LGR5: variants seen among roughly 807,000 people sequenced by gnomAD.
LGR5 encodes the protein leucine-rich repeat-containing G protein-coupled receptor 5.
LGR5 carries 54 observed loss-of-function variants against 76.7 expected under a neutral mutation model. The ratio of observed to expected loss-of-function variants is 0.70; its 90% CI spans 0.57 to 0.88. The LOEUF (loss-of-function observed/expected upper bound fraction) is 0.88. LGR5 is among the 40% of genes least tolerant of loss of function. The pLI, the probability that LGR5 is intolerant of heterozygous loss-of-function variation, is 0.00. For missense variants in LGR5, 1,078 were observed against 1,073.3 expected (o/e 1.00, Z -0.06); for synonymous variants, 406 against 421.9 (o/e 0.96, Z 0.46).
chr12:71,482,253 C>T (rs575261260), intron 1 of LGR5, among the ~76,000 whole-genome samples: 3 of 152,288 alleles, frequency 2.0e-5, no homozygotes, highest in Non-Finnish European at 4.4e-5. Context: ...TTTGCTGGGA[C>T]TGCCATAACA....
At chr12:71,497,262 C>G (rs140720807) in intron 1 of LGR5, among the ~76,000 whole-genome samples, 1 of 151,728 alleles carries the variant, frequency 6.6e-6, no homozygotes, top group Non-Finnish European at 1.5e-5. Flanking sequence ...CTGCAGTAAG[C>G]CATGATCATG....
At chr12:71,571,328 T>C (rs2137454595) in intron 11 of LGR5, 186 bp from the exon 12 acceptor site, 1 of 449,726 alleles carries the variant, frequency 2.2e-6, no homozygotes, top group East Asian at 3.4e-5. Context: ...TACATTTCAG[T>C]AAACATTTGA....
At chr12:71,511,664 C>A (rs1487761031) in intron 2 of LGR5, among the ~76,000 whole-genome samples, 1 of 152,110 alleles carries the variant, frequency 6.6e-6, no homozygotes, top group Non-Finnish European at 1.5e-5. Context: ...TTTTGAAAAT[C>A]CCCAACTACT....
Position 71,460,983 on chromosome 12 carries a change from C to A in LGR5, c.212+20691C>A, listed in dbSNP as rs78547830. ...AAGGCTTTCAGAAATCATTGCTCTG[C>A]TGAGAACAGAACCATGACAGATCTT... On this transcript the variant is annotated intron_variant, in intron 1 of 17. Coordinates refer to ENST00000266674, the MANE Select transcript of LGR5 (RefSeq NM_003667.4). Among the ~76,000 whole-genome samples, 248 of 152,278 alleles carry A rather than the reference C, an allele frequency of 1.6e-3. 3 individuals are homozygous for A. The East Asian group carries it at 0.026, about 16-fold the overall frequency.
chr12:71,497,834 C>T (rs12828862), intron 1 of LGR5, among the ~76,000 whole-genome samples: 13,629 of 152,192 alleles, frequency 0.09, 655 homozygotes, highest in Non-Finnish European at 0.11. Context: ...GAAAGAGCAT[C>T]AATTTTTTTT....
intron 13 of LGR5, 133 bp from the exon 14 acceptor site, chr12:71,577,792 C>T (rs1390603713): frequency 5.0e-6 from 3 of 599,600 alleles, no homozygotes; most frequent in Non-Finnish European, 9.0e-6. Flanking sequence ...ATCTGAAGGG[C>T]AGTTTGATAA....
At chr12:71,510,088 G>A (rs1399458794) in intron 2 of LGR5, among the ~76,000 whole-genome samples, 1 of 152,098 alleles carries the variant, frequency 6.6e-6, no homozygotes, top group Non-Finnish European at 1.5e-5. Flanking sequence ...ATGAAACAAT[G>A]ATCAAAGAAC....
chr12:71,553,526 C>T (rs906115299), intron 5 of LGR5, among the ~76,000 whole-genome samples: 1 of 152,128 alleles, frequency 6.6e-6, no homozygotes, highest in African/African-American at 2.4e-5. Context: ...TGAAATATGA[C>T]CTGTGCCTTA....
rs1565785113 is a variant in LGR5, at chr12:71,584,654, C to T, written c.2644C>T (p.Pro882Ser). The T allele has an allele frequency of 6.2e-7, 1 of 1,614,170 alleles. No homozygotes were observed. Among genetic ancestry groups the T allele is most frequent in the Non-Finnish European group, 8.5e-7 (1 of 1,180,016 alleles). ...CTCCAGCATCACTTATGACCTGCCT[C>T]CCAGTTCCGTGCCATCACCAGCTTA... ...TSSSITYDLP[P>S]SSVPSPAYPV... is the part of the protein sequence containing the mutation. The change falls in exon 18 of 18, where the codon CCC becomes TCC. Residue 882 changes from proline (P) to serine (S), a missense_variant. Coordinates refer to ENST00000266674, the MANE Select transcript of LGR5 (RefSeq NM_003667.4).
intron 5 of LGR5, among the ~76,000 whole-genome samples, chr12:71,556,311 T>C (rs1187409657): frequency 6.6e-6 from 1 of 151,554 alleles, no homozygotes; most frequent in Admixed American, 6.6e-5. Flanking sequence ...CATGCACCCC[T>C]GAACTTAAAA....
chr12:71,567,294 A>T (rs965079037), intron 11 of LGR5: 14 of 232,370 alleles, frequency 6.0e-5, no homozygotes, highest in Non-Finnish European at 1.0e-4. Flanking sequence ...GAGATCTCAG[A>T]TCCACACAAT....
At chr12:71,468,709 C>CTTTTTTT (rs538254378) in intron 1 of LGR5, among the ~76,000 whole-genome samples, 3 of 70,064 alleles carry the variant, frequency 4.3e-5, no homozygotes, top group East Asian at 4.0e-4. Flanking sequence ...GTGGTAGCCT[C>CTTTTTTT]TTTTTTTTTT....
chr12:71,461,753 C>T (rs1294828772), intron 1 of LGR5, among the ~76,000 whole-genome samples: 2 of 152,130 alleles, frequency 1.3e-5, no homozygotes, highest in African/African-American at 4.8e-5. Flanking sequence ...GCCACCTCCA[C>T]CATTCAACTT....
chr12:71,469,887 G>A (rs930405570), intron 1 of LGR5, among the ~76,000 whole-genome samples: 1 of 152,086 alleles, frequency 6.6e-6, no homozygotes, highest in Non-Finnish European at 1.5e-5. Context: ...TCTTTTAAAA[G>A]CAGGAACCTA....
At chr12:71,550,990 GGAAA>G (rs1410383434) in intron 4 of LGR5, among the ~76,000 whole-genome samples, 2 of 152,210 alleles carry the variant, frequency 1.3e-5, no homozygotes, top group East Asian at 1.9e-4. Flanking sequence ...GCTAGAGAAA[GGAAA>G]GAGAGATGGT....
rs912091750 is a variant in LGR5, at chr12:71,440,610, G to C, written c.212+318G>C. On this transcript the variant is annotated intron_variant, in intron 1 of 17. Coordinates refer to ENST00000266674, the MANE Select transcript of LGR5 (RefSeq NM_003667.4). This position sits in a 1 kb window ranked among gnomAD's most constrained non-coding sequence, Gnocchi z 5.3. ...CTGCAAATGCAGGCATTTGCGTGCGGAGTGGACATTTGTGACCCAGAGCCT... is the reference window on the plus strand; with the variant it reads ...CTGCAAATGCAGGCATTTGCGTGCGCAGTGGACATTTGTGACCCAGAGCCT... 1.3e-5 allele frequency among the ~76,000 whole-genome samples: 2 copies of C among 152,190 alleles called. No homozygotes were observed. Among genetic ancestry groups the C allele is most frequent in the Non-Finnish European group, 2.9e-5 (2 of 68,030 alleles).
At position 71,439,971 on chromosome 12, in the gene LGR5, C is replaced by A; in HGVS notation, c.-110C>A. The A allele has an allele frequency of 3.1e-6, 3 of 976,020 alleles. No individual in the cohort carries two copies. Among genetic ancestry groups the A allele is most frequent in the African/African-American group, 1.7e-5 (1 of 59,158 alleles). 60.5% of individuals were successfully genotyped at this position (976,020 alleles called of 1,614,324 possible). ...AACGCGGCGTCTGGCGCTGCAGACG[C>A]CCGCTGAGTTGCAGAAGCCCACGGA... On this transcript the variant is annotated 5_prime_UTR_variant, in exon 1 of 18. Coordinates refer to ENST00000266674, the MANE Select transcript of LGR5 (RefSeq NM_003667.4).
At chr12:71,454,636 G>A (rs529796705) in intron 1 of LGR5, among the ~76,000 whole-genome samples, 11 of 152,162 alleles carry the variant, frequency 7.2e-5, no homozygotes, top group Admixed American at 3.3e-4. Flanking sequence ...TCAAGTCAGG[G>A]AGAAGAGTAA....
intron 1 of LGR5, among the ~76,000 whole-genome samples, chr12:71,457,811 C>A (rs1392435728): frequency 6.6e-6 from 1 of 152,126 alleles, no homozygotes; most frequent in East Asian, 1.9e-4. Flanking sequence ...AGGCAGTTGC[C>A]TGTGTTTATT....
Sources: allele counts gnomAD v4.1 joint callset (sites outside exome capture counted in the v4.1 genomes callset), GRCh38; gene constraint gnomAD v4.1.1; non-coding constraint Gnocchi (gnomAD v3.1); transcripts MANE v1.5; gene names NCBI Gene and HGNC (gene_info 2026-07-23, HGNC 2026-07-21).